Variants in PDGFD observed in about 807,000 individuals in gnomAD.
PDGFD encodes the protein platelet derived growth factor D, also known as platelet-derived growth factor D.
In PDGFD, 30 loss-of-function variants were observed where a neutral mutation model predicts 44.7. The observed-to-expected ratio is 0.67, with a 90% confidence interval of 0.50 to 0.91. The LOEUF is 0.91. Ranked by LOEUF, PDGFD falls within the 40% of genes least tolerant of loss-of-function variation. PDGFD has a pLI of 0.00. For missense variants in PDGFD, 445 were observed against 457.8 expected, an observed-to-expected ratio of 0.97 and a Z score of 0.25; for synonymous variants, 173 against 168.4, an observed-to-expected ratio of 1.03 and a Z score of -0.21.
intron 5 of PDGFD, among the ~76,000 whole-genome samples, chr11:103,936,232 A>G (rs1002386355): frequency 6.6e-6 from 1 of 152,206 alleles, no homozygotes; most frequent in Non-Finnish European, 1.5e-5. Context: ...AGTTACAGAT[A>G]TCTGAAGACT....
At chr11:103,973,508 GA>G (rs1241220782) in intron 3 of PDGFD, among the ~76,000 whole-genome samples, 1 of 152,106 alleles carries the variant, frequency 6.6e-6, no homozygotes, top group African/African-American at 2.4e-5. Flanking sequence ...GGAAGGATCA[GA>G]AGTAGTTGAT....
intron 1 of PDGFD, among the ~76,000 whole-genome samples, chr11:104,013,669 A>G (rs1344423586): frequency 1.3e-5 from 2 of 152,124 alleles, no homozygotes; most frequent in African/African-American, 4.8e-5. Flanking sequence ...ACAGTTTAGT[A>G]GTGACTACTT....
At chr11:104,106,827 T>C (rs1271209380) in intron 1 of PDGFD, among the ~76,000 whole-genome samples, 1 of 151,380 alleles carries the variant, frequency 6.6e-6, no homozygotes, top group Admixed American at 6.6e-5. Flanking sequence ...CATTGCAACC[T>C]CTGCTTCCCG....
At chr11:104,035,847 C>G (rs1338144264) in intron 1 of PDGFD, among the ~76,000 whole-genome samples, 2 of 152,120 alleles carry the variant, frequency 1.3e-5, no homozygotes, top group East Asian at 1.9e-4. Flanking sequence ...CCTTCAACAT[C>G]CAGCTTGTCT....
chr11:104,037,323 GGCGGAAGCCCTGCTCA>G, intron 1 of PDGFD: 1 of 1,613,794 alleles, frequency 6.2e-7, no homozygotes, highest in Admixed American at 1.7e-5. Context: ...ACCCTCCCTT[GGCGGAAGCCCTGCTCA>G]GCGGAAGCCT....
chr11:104,122,728 T>A (rs373543040), intron 1 of PDGFD, among the ~76,000 whole-genome samples: 37 of 151,030 alleles, frequency 2.4e-4, no homozygotes, highest in African/African-American at 7.1e-4. Context: ...AATTTTTTTT[T>A]AAATTTTCTT....
Position 104,084,968 on chromosome 11 carries a change from A to AAT in PDGFD, c.124+78834_124+78835dup, listed in dbSNP as rs541475577. On this transcript the variant is annotated intron_variant, in intron 1 of 6. Coordinates refer to ENST00000393158, the MANE Select transcript of PDGFD (RefSeq NM_025208.5). ...TCACATATAAATAAATAAAAATAAA[A>AAT]ATATATATAGTGTGCCCTTACCCCA... Among the ~76,000 whole-genome samples the AAT allele has an allele frequency of 4.1e-3, 607 of 148,572 alleles. 9 individuals carry two copies. Among genetic ancestry groups the AAT allele is most frequent in the South Asian group, 0.021 (102 of 4,770 alleles).
At chr11:104,017,161 G>C (rs1042651238) in intron 1 of PDGFD, among the ~76,000 whole-genome samples, 3 of 152,122 alleles carry the variant, frequency 2.0e-5, no homozygotes, top group African/African-American at 7.2e-5. Context: ...CTATACATCA[G>C]GTAACAGGCT....
Position 103,907,600 on chromosome 11 carries a change from T to C in PDGFD, c.*2094A>G, listed in dbSNP as rs973686636. The C allele has an allele frequency of 3.9e-5, 6 of 152,236 alleles. No individual in the cohort carries two copies. Among genetic ancestry groups the C allele is most frequent in the African/African-American group, 1.4e-4 (6 of 41,468 alleles). The allele number at this position is 152,236 out of a possible 1,614,324, so 9.4% of individuals were successfully genotyped here. A position where few individuals can be genotyped will look rare whatever the true frequency, so the allele number is the denominator to read the frequency against. ...TCAGCTAATAAATAAAAAGTGCAGA[T>C]AGGGCTTTAACTGAAAACCTTGCTG... is the stretch of plus-strand genomic sequence containing the variant. On this transcript the variant is annotated 3_prime_UTR_variant, in exon 7 of 7. Coordinates refer to ENST00000393158, the MANE Select transcript of PDGFD (RefSeq NM_025208.5).
intron 3 of PDGFD, among the ~76,000 whole-genome samples, chr11:103,992,941 T>G (rs748948993): frequency 4.6e-5 from 7 of 152,250 alleles, no homozygotes; most frequent in Non-Finnish European, 1.0e-4. Flanking sequence ...AGATGTTCCA[T>G]GGGAGGTATG....
chr11:104,115,690 C>A (rs773244293), intron 1 of PDGFD, among the ~76,000 whole-genome samples: 1 of 152,008 alleles, frequency 6.6e-6, no homozygotes, highest in Non-Finnish European at 1.5e-5. Context: ...CGCATCCACA[C>A]CAACACCTAT....
At chr11:104,004,728 T>C (rs997161336) in intron 1 of PDGFD, among the ~76,000 whole-genome samples, 2 of 152,142 alleles carry the variant, frequency 1.3e-5, no homozygotes, top group Non-Finnish European at 2.9e-5. Context: ...CACTGCTAAT[T>C]ATGCTTATTT....
chr11:104,070,408 A>G (rs1002522801), intron 1 of PDGFD, among the ~76,000 whole-genome samples: 4 of 152,220 alleles, frequency 2.6e-5, no homozygotes, highest in Non-Finnish European at 5.9e-5. Flanking sequence ...TATGTCTTCC[A>G]AAACTGAGAA....
At chr11:104,099,636 C>CAATAAT (rs72280494) in intron 1 of PDGFD, among the ~76,000 whole-genome samples, 5,362 of 142,676 alleles carry the variant, frequency 0.038, 146 homozygotes, top group African/African-American at 0.077. Context: ...GTTTCAAAAA[C>CAATAAT]AATAATAATA....
intron 1 of PDGFD, among the ~76,000 whole-genome samples, chr11:104,006,495 G>C (rs1859703315): frequency 6.6e-6 from 1 of 152,156 alleles, no homozygotes; most frequent in Non-Finnish European, 1.5e-5. Context: ...CCCCGGCAAA[G>C]GCCCCACTCT....
At chr11:103,927,650 C>T (rs1049974770) in intron 5 of PDGFD, among the ~76,000 whole-genome samples, 2 of 152,102 alleles carry the variant, frequency 1.3e-5, no homozygotes, top group Non-Finnish European at 2.9e-5. Context: ...TTTTTAACTT[C>T]AAAGTTAATC....
intron 1 of PDGFD, chr11:104,038,536 A>C (rs533110572): frequency 2.2e-4 from 38 of 169,436 alleles, no homozygotes; most frequent in Admixed American, 1.3e-3. Flanking sequence ...ACTAATACTT[A>C]TACATGTCTG....
rs10895568 is a variant in PDGFD, at chr11:104,067,469, T to C, written c.125-67214A>G. ...GAAAGTTACTTCAAATTTGAAAATCTTTCTATTAGAATTCAATCAAATAAA... is the reference window on the plus strand; with the variant it reads ...GAAAGTTACTTCAAATTTGAAAATCCTTCTATTAGAATTCAATCAAATAAA... On this transcript the variant is annotated intron_variant, in intron 1 of 6. Coordinates refer to ENST00000393158, the MANE Select transcript of PDGFD (RefSeq NM_025208.5). 8.9e-3 allele frequency among the ~76,000 whole-genome samples: 1,357 copies of C among 152,306 alleles called. 23 individuals are homozygous for C. The highest frequency in any genetic ancestry group is 0.054 in the Admixed American group (819 of 15,292).
At chr11:104,098,218 T>C (rs1316879351) in intron 1 of PDGFD, among the ~76,000 whole-genome samples, 4 of 152,128 alleles carry the variant, frequency 2.6e-5, no homozygotes, top group Non-Finnish European at 5.9e-5. Context: ...GCGAGGCATT[T>C]ATTTGGTGAG....
Sources: allele counts gnomAD v4.1 joint callset (sites outside exome capture counted in the v4.1 genomes callset), GRCh38; gene constraint gnomAD v4.1.1; transcripts MANE v1.5; gene names NCBI Gene and HGNC (gene_info 2026-07-23, HGNC 2026-07-21).